DEFA4: variants seen among roughly 807,000 people sequenced by gnomAD.
DEFA4 encodes defensin alpha 4, also known as corticostatin.
DEFA4 carries 8 observed loss-of-function variants against 4.4 expected under a neutral mutation model. The observed-to-expected ratio is 1.82, with a 90% CI of 1.07 to 3.29. The LOEUF is 3.29. Ranked by LOEUF, DEFA4 falls within the 30% of genes most tolerant of loss-of-function variation. DEFA4 has a pLI of 0.00. For missense variants in DEFA4, 216 were observed against 127.0 expected, an observed-to-expected ratio of 1.70 and a Z score of -3.37; for synonymous variants, 77 against 46.5, an observed-to-expected ratio of 1.66 and a Z score of -2.67.
At chr8:6,937,555 CT>C (rs33923659) in intron 1 of DEFA4, among the ~76,000 whole-genome samples, 4,529 of 152,222 alleles carry the variant, frequency 0.03, 139 homozygotes, top group African/African-American at 0.079. Flanking sequence ...ACACGTGGTC[CT>C]TTCTCTCACA....
At chr8:6,937,973 A>C (rs187653751) in intron 1 of DEFA4, among the ~76,000 whole-genome samples, 301 of 152,328 alleles carry the variant, frequency 2.0e-3, no homozygotes, top group African/African-American at 5.6e-3. Context: ...ATAATGTTTT[A>C]AGAAGCTGTG....
At chr8:6,936,292 A>G in intron 2 of DEFA4, 151 bp from the exon 3 acceptor site, 2 of 955,638 alleles carry the variant, frequency 2.1e-6, no homozygotes, top group African/African-American at 3.3e-5. Context: ...AGGAATAAAT[A>G]CACAGAGCAA....
In DEFA4 at chr8:6,936,896, T is replaced by A. The variant is rs766945101; in HGVS notation, c.4A>T (p.Arg2Trp). MRIIALLAAILL... is the reference protein window; with the variant it reads MWIIALLAAILL... ...ATAGCAGCGAGGAGGGCGATAATCCTCATGGCTGGGGTGACCTGGAGGAGG... is the reference window on the plus strand; with the variant it reads ...ATAGCAGCGAGGAGGGCGATAATCCACATGGCTGGGGTGACCTGGAGGAGG... The change falls in exon 2 of 3, where the codon AGG (arginine) becomes TGG (tryptophan). Residue 2 changes from arginine to tryptophan, a missense_variant. Transcript: ENST00000297435. The A allele has an allele frequency of 1.9e-6, 3 of 1,601,262 alleles. No individual in the cohort carries two copies. The Admixed American group carries it at 5.1e-5, about 27-fold the overall frequency.
At chr8:6,937,801 G>C (rs1443377000) in intron 1 of DEFA4, among the ~76,000 whole-genome samples, 1 of 152,136 alleles carries the variant, frequency 6.6e-6, no homozygotes, top group African/African-American at 2.4e-5. Context: ...TCAACTGAGG[G>C]AAACGGCAAC....
intron 2 of DEFA4, 27 bp from the exon 3 acceptor site, chr8:6,936,168 A>G (rs1453954710): frequency 1.9e-6 from 3 of 1,612,210 alleles, no homozygotes; most frequent in Admixed American, 1.7e-5. Flanking sequence ...AGCATGAGAA[A>G]TTAAGCACCA....
intron 2 of DEFA4, 33 bp downstream of exon 2, chr8:6,936,695 A>T (rs1808866257): frequency 6.4e-7 from 1 of 1,553,296 alleles, no homozygotes; most frequent in East Asian, 2.3e-5. Flanking sequence ...GTCTCTCTAG[A>T]CTCGGTAGCT....
At chr8:6,936,624 A>C in intron 2 of DEFA4, 104 bp downstream of exon 2, 2 of 1,258,514 alleles carry the variant, frequency 1.6e-6, no homozygotes, top group Non-Finnish European at 2.1e-6. Context: ...AGAGATGGTA[A>C]GTAAAGCCAC....
intron 1 of DEFA4, 82 bp from the exon 2 acceptor site, chr8:6,936,993 A>C: frequency 1.6e-6 from 2 of 1,275,672 alleles, no homozygotes; most frequent in Non-Finnish European, 2.1e-6. Context: ...GAAGGCACAG[A>C]GATAAGAAAC....
chr8:6,936,408 T>C (rs1808852166), intron 2 of DEFA4, among the ~76,000 whole-genome samples: 1 of 152,196 alleles, frequency 6.6e-6, no homozygotes, highest in South Asian at 2.1e-4. Flanking sequence ...TCTCCAGTTT[T>C]TAAAATTTCC....
chr8:6,937,049 A>G, intron 1 of DEFA4, 138 bp from the exon 2 acceptor site: 1 of 663,288 alleles, frequency 1.5e-6, no homozygotes. Context: ...GTTAGAGAGG[A>G]TGCCGACTCC....
At chr8:6,937,886 AAC>A (rs1360549080) in intron 1 of DEFA4, among the ~76,000 whole-genome samples, 2 of 152,190 alleles carry the variant, frequency 1.3e-5, no homozygotes, top group Non-Finnish European at 2.9e-5. Context: ...AAGGAAGTCA[AAC>A]AACTCAATAG....
intron 1 of DEFA4, among the ~76,000 whole-genome samples, chr8:6,937,604 A>T (rs1400777069): frequency 6.6e-6 from 1 of 152,194 alleles, no homozygotes; most frequent in African/African-American, 2.4e-5. Context: ...TTGAAGACTC[A>T]ACATAGACTT....
At chr8:6,938,139 G>GGGT (rs1161945019) in intron 1 of DEFA4, 87 bp downstream of exon 1, 1 of 152,116 alleles carries the variant, frequency 6.6e-6, no homozygotes, top group Non-Finnish European at 1.5e-5. Flanking sequence ...GGTCCCTCTG[G>GGGT]GGTGGCCCCA....
intron 1 of DEFA4, among the ~76,000 whole-genome samples, chr8:6,937,768 C>T (rs1268632497): frequency 6.6e-6 from 1 of 152,216 alleles, no homozygotes; most frequent in African/African-American, 2.4e-5. Context: ...AACGCTAAAG[C>T]ATCTTCATAG....
At position 6,938,213 on chromosome 8, in the gene DEFA4, T is replaced by TA. The variant is rs2117341695; in HGVS notation, c.-13+12_-13+13insT. 6.6e-6 allele frequency: 1 copy of TA among 152,264 alleles called. No individual in the cohort carries two copies. The highest frequency in any genetic ancestry group is 6.5e-5 in the Admixed American group (1 of 15,288). 9.4% of individuals were successfully genotyped at this position (152,264 alleles called of 1,614,324 possible). ...AAACCTCAATGTGAAAGTTTAAGTT[T>TA]TGTGTTACTTACAGATCCTCAAGCT... On this transcript the variant is annotated intron_variant, in intron 1 of 2. Coordinates refer to ENST00000297435, the MANE Select transcript of DEFA4 (RefSeq NM_001925.3).
chr8:6,936,116 A>C lies in DEFA4; in HGVS notation c.198T>G (p.Ser66=), dbSNP rs1433876343. ...TTCGCCGGCAGAATACTAATCTGCA[A>C]GAGCAGACCATGCCCCTTGTTGAGC... ...VSGSTRGMVC[S]CRLVFCRRTE... The change falls in exon 3 of 3, where the codon TCT becomes TCG. Residue 66 remains serine, a synonymous_variant. Transcript: ENST00000297435. The C allele has an allele frequency of 6.2e-7, 1 of 1,614,044 alleles. No individual in the cohort carries two copies.
chr8:6,936,779 C>A lies in DEFA4; in HGVS notation c.121G>T (p.Asp41Tyr). Residue 41 changes from aspartate to tyrosine, a missense_variant, in exon 2 of 3, where the codon GAC becomes TAC. Coordinates refer to ENST00000297435, the MANE Select transcript of DEFA4 (RefSeq NM_001925.3). Reference sequence around the variant, plus strand: ...TCCCATGCAAAGGAAATAGATATGTCCTGGTCTTCTGGCCCACGCTGCTCC... The same window carrying A: ...TCCCATGCAAAGGAAATAGATATGTACTGGTCTTCTGGCCCACGCTGCTCC... ...GQEQRGPEDQ[D>Y]ISISFAWDKS... 6.2e-7 allele frequency: 1 copy of A among 1,613,646 alleles called. No homozygotes were observed. Among genetic ancestry groups the A allele is most frequent in the Non-Finnish European group, 8.5e-7 (1 of 1,179,836 alleles).
chr8:6,937,678 G>A (rs1017319444), intron 1 of DEFA4, among the ~76,000 whole-genome samples: 3 of 152,128 alleles, frequency 2.0e-5, no homozygotes, highest in East Asian at 1.9e-4. Context: ...GGACATTGAC[G>A]TGAGTAATGA....
intron 1 of DEFA4, among the ~76,000 whole-genome samples, chr8:6,937,643 GA>G (rs1808913373): frequency 6.6e-6 from 1 of 152,154 alleles, no homozygotes; most frequent in Non-Finnish European, 1.5e-5. Context: ...ACAACTACGA[GA>G]AGCACATACA....
Sources: allele counts gnomAD v4.1 joint callset (sites outside exome capture counted in the v4.1 genomes callset), GRCh38; gene constraint gnomAD v4.1.1; transcripts MANE v1.5; gene names NCBI Gene and HGNC (gene_info 2026-07-23, HGNC 2026-07-21).